CACNB2: variants seen among roughly 807,000 people sequenced by gnomAD.
The protein encoded by CACNB2 is voltage-dependent L-type calcium channel subunit beta-2.
Under a neutral mutation model 73.3 loss-of-function variants are expected in CACNB2, and 42 were observed. The observed-to-expected ratio is 0.57, with a 90% CI of 0.45 to 0.74. The LOEUF is 0.74. Among genes scored for constraint, CACNB2 ranks in the 30% least tolerant of loss-of-function variants. The pLI is 0.00. For synonymous variants in CACNB2, 348 were observed against 310.3 expected (o/e 1.12, Z -1.28); for missense variants, 940 against 853.0 (o/e 1.10, Z -1.27).
At chr10:18,294,337 G>A in intron 2 of CACNB2, among the ~76,000 whole-genome samples, 1 of 152,296 alleles carries the variant, frequency 6.6e-6, no homozygotes, top group Middle Eastern at 3.4e-3. Flanking sequence ...CAACCAGCAT[G>A]TTCTCTGAGA....
intron 2 of CACNB2, among the ~76,000 whole-genome samples, chr10:18,285,061 T>C (rs762825789): frequency 4.6e-5 from 7 of 152,198 alleles, no homozygotes; most frequent in Non-Finnish European, 1.0e-4. Context: ...AGTTCTGTGC[T>C]CATCAAATTC....
intron 2 of CACNB2, among the ~76,000 whole-genome samples, chr10:18,294,287 C>T (rs2039187023): frequency 6.6e-6 from 1 of 152,202 alleles, no homozygotes; most frequent in Non-Finnish European, 1.5e-5. Flanking sequence ...GGTTAAACTG[C>T]TTGACAGTGT....
At chr10:18,371,830 G>A (rs902868011) in intron 2 of CACNB2, among the ~76,000 whole-genome samples, 1 of 152,178 alleles carries the variant, frequency 6.6e-6, no homozygotes. Flanking sequence ...CAGTGTAAAA[G>A]TGTTCCTATT....
intron 2 of CACNB2, among the ~76,000 whole-genome samples, chr10:18,351,937 A>G (rs1343551700): frequency 6.6e-6 from 1 of 152,144 alleles, no homozygotes; most frequent in Admixed American, 6.5e-5. Flanking sequence ...ACATATATAG[A>G]CATAGAGAAT....
At chr10:18,359,772 G>A (rs1389718094) in intron 2 of CACNB2, among the ~76,000 whole-genome samples, 2 of 151,342 alleles carry the variant, frequency 1.3e-5, no homozygotes, top group African/African-American at 4.9e-5. Flanking sequence ...CCCCCCAGCA[G>A]TCCCCAGTGT....
chr10:18,513,609 C>T, intron 6 of CACNB2: 1 of 315,050 alleles, frequency 3.2e-6, no homozygotes. Flanking sequence ...ATTTTGAACT[C>T]GAATAAGAAA....
intron 2 of CACNB2, among the ~76,000 whole-genome samples, chr10:18,305,715 A>C (rs1286461725): frequency 6.6e-6 from 1 of 152,162 alleles, no homozygotes; most frequent in East Asian, 1.9e-4. Flanking sequence ...AAAATTAACA[A>C]CCTCACTCTG....
At chr10:18,179,107 C>T (rs1482947201) in intron 2 of CACNB2, among the ~76,000 whole-genome samples, 2 of 152,266 alleles carry the variant, frequency 1.3e-5, no homozygotes, top group African/African-American at 2.4e-5. Flanking sequence ...TAACCACAAA[C>T]GCTTTTATTG....
chr10:18,236,192 AG>A (rs998969160), intron 2 of CACNB2, among the ~76,000 whole-genome samples: 57 of 152,248 alleles, frequency 3.7e-4, no homozygotes, highest in African/African-American at 1.3e-3. Flanking sequence ...CTGTGGCTCC[AG>A]TGTGACTGCA....
intron 2 of CACNB2, among the ~76,000 whole-genome samples, chr10:18,166,300 G>C (rs2032846846): frequency 6.6e-6 from 1 of 151,964 alleles, no homozygotes; most frequent in Non-Finnish European, 1.5e-5. Context: ...TTCTATCCCA[G>C]GCTGAAGTGC....
intron 10 of CACNB2, 112 bp downstream of exon 10, chr10:18,527,809 G>A (rs1467362503): frequency 2.7e-6 from 2 of 753,942 alleles, no homozygotes; most frequent in African/African-American, 1.7e-5. Context: ...GAAAAAACAG[G>A]TGTGTGCTGC....
At chr10:18,141,302 G>T in intron 1 of CACNB2, 1 of 1,191,790 alleles carries the variant, frequency 8.4e-7, no homozygotes, top group Non-Finnish European at 1.2e-6. Flanking sequence ...AGCCGGGGTG[G>T]GCGTGGGTGT....
intron 2 of CACNB2, among the ~76,000 whole-genome samples, chr10:18,164,966 G>A (rs1430772058): frequency 1.3e-5 from 2 of 151,960 alleles, no homozygotes; most frequent in Non-Finnish European, 2.9e-5. Context: ...ACCAACATAT[G>A]GAGTGCCTTT....
At chr10:18,433,315 G>T (rs185365076) in intron 3 of CACNB2, among the ~76,000 whole-genome samples, 2 of 152,058 alleles carry the variant, frequency 1.3e-5, no homozygotes, top group African/African-American at 4.8e-5. Context: ...CTGGATCAGC[G>T]ACCACAAAAA....
intron 10 of CACNB2, chr10:18,531,919 G>A (rs7917584): frequency 0.34 from 52,378 of 152,046 alleles, 9,549 homozygotes; most frequent in East Asian, 0.7. Flanking sequence ...GGCTTGCCCC[G>A]TCTTCAAGAT....
At chr10:18,451,678 G>A (rs922352787) in intron 3 of CACNB2, among the ~76,000 whole-genome samples, 1 of 152,112 alleles carries the variant, frequency 6.6e-6, no homozygotes, top group Non-Finnish European at 1.5e-5. Flanking sequence ...TTTTTGCTCC[G>A]CAGTTCCCTT....
At chr10:18,197,455 C>A (rs2034675980) in intron 2 of CACNB2, among the ~76,000 whole-genome samples, 1 of 152,184 alleles carries the variant, frequency 6.6e-6, no homozygotes, top group African/African-American at 2.4e-5. Context: ...GGCCCCAACA[C>A]AGGCTTAATC....
At chr10:18,290,956 C>A (rs1033644826) in intron 2 of CACNB2, among the ~76,000 whole-genome samples, 4 of 152,366 alleles carry the variant, frequency 2.6e-5, no homozygotes, top group Non-Finnish European at 4.4e-5. Flanking sequence ...GCTCTTCCGT[C>A]TGGGGCTTCT....
chr10:18,171,590 A>C (rs1280108508), intron 2 of CACNB2, among the ~76,000 whole-genome samples: 1 of 147,676 alleles, frequency 6.8e-6, no homozygotes, highest in Admixed American at 6.9e-5. Context: ...TCCAGTTTAA[A>C]AAAAAAAAAA....
Sources: gnomAD v4.1 joint callset for allele counts (sites outside exome capture counted in the v4.1 genomes callset) on GRCh38, gnomAD v4.1.1 for gene constraint, MANE v1.5 for transcripts, NCBI Gene and HGNC (gene_info 2026-07-23, HGNC 2026-07-21) for gene names.